MYO1E: variants seen among roughly 807,000 people sequenced by gnomAD.
MYO1E encodes the protein unconventional myosin-Ie.
A neutral mutation model predicts 151.1 loss-of-function variants in MYO1E; 68 were observed. The observed-to-expected ratio is 0.45, with a 90% CI of 0.37 to 0.55. MYO1E has a LOEUF of 0.55. Ranked by LOEUF, MYO1E falls within the 20% of genes least tolerant of loss-of-function variation. MYO1E has a pLI of 0.00. For synonymous variants in MYO1E, 601 were observed against 501.7 expected, an observed-to-expected ratio of 1.20 and a Z score of -2.64; for missense variants, 1,363 against 1,389.3, an observed-to-expected ratio of 0.98 and a Z score of 0.30.
rs186289437 is a variant in MYO1E, at chr15:59,315,076, G to A, written c.4-42627C>T. On this transcript the variant is annotated intron_variant, in intron 1 of 27. Coordinates refer to ENST00000288235, the MANE Select transcript of MYO1E (RefSeq NM_004998.4). ...TCTCCAGGCCTCATGGAGCCTGGGG[G>A]CCACCAGCTTACAGCTTCTGATGGG... Among the ~76,000 whole-genome samples the A allele has an allele frequency of 2.2e-4, 34 of 152,234 alleles. No individual in the cohort carries two copies. The East Asian group carries it at 6.6e-3, about 30-fold the overall frequency.
At chr15:59,174,721 C>T (rs2140317733) in intron 19 of MYO1E, among the ~76,000 whole-genome samples, 1 of 152,214 alleles carries the variant, frequency 6.6e-6, no homozygotes, top group South Asian at 2.1e-4. Flanking sequence ...GAGGGCTGCC[C>T]TACTTTCAGT....
In MYO1E at chr15:59,134,955, T is replaced by C. The variant is rs975244030; in HGVS notation, c.*2425A>G. 2.6e-5 allele frequency: 4 copies of C among 152,232 alleles called. No homozygotes were observed. The highest frequency in any genetic ancestry group is 6.5e-5 in the Admixed American group (1 of 15,280). 9.4% of individuals were successfully genotyped at this position (152,232 alleles called of 1,614,324 possible). ...TTAATTAGGAAAAAAAGGGAAATGT[T>C]ATTTATCCCAGATTTTTCTGGTAGT... On this transcript the variant is annotated 3_prime_UTR_variant, in exon 28 of 28. Transcript: ENST00000288235.
rs1417602755 is a variant in MYO1E at position 59,210,578 on chromosome 15, A to G, written c.1298T>C (p.Ile433Thr). The stretch of plus-strand genomic sequence containing the variant: ...AAAGTACTCAATGGGTGTCCATCTT[A>G]TTCCCTCTTGAACATATTCTTCCTG... The part of the protein sequence containing the change: ...AEQEEYVQEG[I>T]RWTPIEYFNN... The change falls in exon 13 of 28, where the codon ATA (isoleucine) becomes ACA (threonine). Residue 433 changes from isoleucine to threonine, a missense_variant. Physicochemically the swap from Ile to Thr is moderately conservative, Grantham distance 89. Transcript: ENST00000288235. 2.5e-6 allele frequency: 4 copies of G among 1,603,502 alleles called. No individual in the cohort carries two copies. The South Asian group carries it at 3.3e-5, about 13-fold the overall frequency.
At chr15:59,238,611 A>C (rs1407540364) in intron 4 of MYO1E, among the ~76,000 whole-genome samples, 4 of 152,138 alleles carry the variant, frequency 2.6e-5, no homozygotes, top group Non-Finnish European at 4.4e-5. Context: ...TCACTTTGTC[A>C]CCCAGGCTGG....
At chr15:59,182,718 C>A (rs2140322323) in intron 18 of MYO1E, among the ~76,000 whole-genome samples, 1 of 152,288 alleles carries the variant, frequency 6.6e-6, no homozygotes, top group African/African-American at 2.4e-5. Context: ...CAGAGTGCGG[C>A]ACAGCGTAAA....
chr15:59,254,195 A>C (rs2080181369), intron 4 of MYO1E, among the ~76,000 whole-genome samples: 1 of 151,986 alleles, frequency 6.6e-6, no homozygotes, highest in Non-Finnish European at 1.5e-5. Flanking sequence ...GCTTTATTAA[A>C]AAAACAAAAC....
chr15:59,245,865 G>C lies in MYO1E; in HGVS notation c.333-9193C>G, dbSNP rs7174896. Among the ~76,000 whole-genome samples the C allele has an allele frequency of 7.0e-3, 1,073 of 152,358 alleles. 12 individuals are homozygous for C. Among genetic ancestry groups the C allele is most frequent in the African/African-American group, 0.025 (1,020 of 41,586 alleles). ...CTTGTCTGGTGATGGAGAGATGGTA[G>C]AGATCATGAACAAAGCTTGCCAGTT... is the stretch of plus-strand genomic sequence containing the variant. On this transcript the variant is annotated intron_variant, in intron 4 of 27. Transcript: ENST00000288235.
intron 17 of MYO1E, among the ~76,000 whole-genome samples, chr15:59,192,092 C>T (rs763071889): frequency 1.3e-5 from 2 of 152,150 alleles, no homozygotes; most frequent in African/African-American, 2.4e-5. Context: ...TGCCCTTTCA[C>T]GGACCCTAAC....
chr15:59,289,456 C>G (rs2080406523), intron 1 of MYO1E, among the ~76,000 whole-genome samples: 1 of 152,086 alleles, frequency 6.6e-6, no homozygotes, highest in African/African-American at 2.4e-5. Context: ...AAGATAAATA[C>G]AAATTAGGTT....
At chr15:59,284,208 A>C (rs1326745535) in intron 1 of MYO1E, among the ~76,000 whole-genome samples, 2 of 152,212 alleles carry the variant, frequency 1.3e-5, no homozygotes, top group African/African-American at 4.8e-5. Flanking sequence ...CTCACCTCAC[A>C]ACATGTTTGC....
intron 1 of MYO1E, among the ~76,000 whole-genome samples, chr15:59,324,422 C>A (rs569735234): frequency 5.1e-4 from 78 of 152,256 alleles, no homozygotes; most frequent in African/African-American, 1.8e-3. Context: ...CCCAAAATGA[C>A]CTGCTTCTGG....
rs574166979 is a variant in MYO1E at position 59,133,338 on chromosome 15, C to G, written c.*4042G>C. ...AGTAAGGCATGATCGCACCACTGTT[C>G]TCTAGTCTGGGTGACAAAGTGAGGT... On this transcript the variant is annotated 3_prime_UTR_variant, in exon 28 of 28. Transcript: ENST00000288235. 6.6e-6 allele frequency: 1 copy of G among 152,270 alleles called. No homozygotes were observed. The highest frequency in any genetic ancestry group is 2.4e-5 in the African/African-American group (1 of 41,546). The allele number at this position is 152,270 out of a possible 1,614,324, so 9.4% of individuals were successfully genotyped here.
At chr15:59,330,998 G>C (rs372643900) in intron 1 of MYO1E, among the ~76,000 whole-genome samples, 2 of 152,198 alleles carry the variant, frequency 1.3e-5, no homozygotes, top group South Asian at 2.1e-4. Flanking sequence ...TCGAACTCCT[G>C]GGCTCAAGCA....
At chr15:59,351,206 G>GT (rs199982326) in intron 1 of MYO1E, among the ~76,000 whole-genome samples, 4,003 of 152,198 alleles carry the variant, frequency 0.026, 129 homozygotes, top group African/African-American at 0.068. Flanking sequence ...GCCTTACTTG[G>GT]TTTTTTAAGG....
At chr15:59,152,293 T>C (rs1596343450) in intron 26 of MYO1E, among the ~76,000 whole-genome samples, 2 of 152,156 alleles carry the variant, frequency 1.3e-5, no homozygotes, top group South Asian at 4.1e-4. Context: ...AGGAAGGAGC[T>C]GTTGTTTCTC....
intron 17 of MYO1E, among the ~76,000 whole-genome samples, chr15:59,194,161 G>C (rs1015957167): frequency 6.6e-6 from 1 of 150,572 alleles, no homozygotes; most frequent in African/African-American, 2.5e-5. Flanking sequence ...GTGACAGAGC[G>C]AGACTCTTGT....
intron 18 of MYO1E, among the ~76,000 whole-genome samples, chr15:59,185,008 G>C (rs2140323638): frequency 6.6e-6 from 1 of 152,274 alleles, no homozygotes; most frequent in African/African-American, 2.4e-5. Flanking sequence ...TCGCACTGTA[G>C]TTTTATTTTG....
intron 1 of MYO1E, among the ~76,000 whole-genome samples, chr15:59,332,618 A>T (rs1260562611): frequency 6.6e-6 from 1 of 152,214 alleles, no homozygotes; most frequent in African/African-American, 2.4e-5. Flanking sequence ...GTCTGATGCT[A>T]CAGCCACATA....
intron 1 of MYO1E, among the ~76,000 whole-genome samples, chr15:59,325,169 G>A (rs1296294989): frequency 1.3e-5 from 2 of 152,110 alleles, no homozygotes; most frequent in East Asian, 3.8e-4. Flanking sequence ...CCGAGGAGCT[G>A]TGACTACAGG....
Sources: allele counts gnomAD v4.1 joint callset (sites outside exome capture counted in the v4.1 genomes callset), GRCh38; gene constraint gnomAD v4.1.1; transcripts MANE v1.5; gene names NCBI Gene and HGNC (gene_info 2026-07-23, HGNC 2026-07-21).